The following NUP85 variants were observed in gnomAD, a reference collection of about 807,000 sequenced individuals.
NUP85 encodes nuclear pore complex protein Nup85.
A neutral mutation model predicts 92.8 loss-of-function variants in NUP85; 23 were observed. The observed-to-expected ratio is 0.25, with a 90% CI of 0.18 to 0.35. The LOEUF is 0.35. NUP85 is among the 10% of genes least tolerant of loss of function. NUP85 has a pLI of 1.00. For missense variants in NUP85, 759 were observed against 822.8 expected (o/e 0.92, Z 0.95); for synonymous variants, 314 against 306.9 (o/e 1.02, Z -0.24).
intron 6 of NUP85, 91 bp downstream of exon 6, chr17:75,215,914 T>C (rs915076140): frequency 8.9e-7 from 1 of 1,117,690 alleles, no homozygotes; most frequent in African/African-American, 1.5e-5. Flanking sequence ...TGATGAGTGT[T>C]TTATTCCTGA....
chr17:75,217,851 A>G (rs912536248), intron 6 of NUP85, among the ~76,000 whole-genome samples: 1 of 152,000 alleles, frequency 6.6e-6, no homozygotes, highest in Non-Finnish European at 1.5e-5. Flanking sequence ...CTTGCTATCT[A>G]GTCATTGTTG....
intron 6 of NUP85, among the ~76,000 whole-genome samples, chr17:75,217,217 G>A (rs1004115380): frequency 1.3e-4 from 20 of 151,900 alleles, no homozygotes; most frequent in African/African-American, 4.4e-4. Context: ...GCACCACCAC[G>A]CCCGGCTAAT....
Position 75,219,421 on chromosome 17 carries a change from C to T in NUP85, c.597+1115C>T, listed in dbSNP as rs201692988. 7.2e-5 allele frequency among the ~76,000 whole-genome samples: 11 copies of T among 152,130 alleles called. No individual in the cohort carries two copies. The East Asian group carries it at 1.5e-3, about 21-fold the overall frequency. On this transcript the variant is annotated intron_variant, in intron 7 of 18. Transcript: ENST00000245544. ...CCTCCTGAGTGGCTGGGACTACAGG[C>T]GCACACCACTACGCCTGGCTAGTTT...
At chr17:75,211,044 C>A (rs1228348110) in intron 3 of NUP85, among the ~76,000 whole-genome samples, 2 of 145,778 alleles carry the variant, frequency 1.4e-5, no homozygotes, top group Non-Finnish European at 1.5e-5. Flanking sequence ...ACTCTGTCAC[C>A]CAGGCTGGAG....
chr17:75,231,701 G>T lies in NUP85; in HGVS notation c.1244+63G>T. On this transcript the variant is annotated intron_variant, in intron 13 of 18. Coordinates refer to ENST00000245544, the MANE Select transcript of NUP85 (RefSeq NM_024844.5). This position sits in a 1 kb window ranked among gnomAD's most constrained non-coding sequence, Gnocchi z 4.6. ...TCTTCAGCATGCGGGTGCCATTGGAGCTTGGACTGTTCTCTCCCAGTTGGC... is the reference window on the plus strand; with the variant it reads ...TCTTCAGCATGCGGGTGCCATTGGATCTTGGACTGTTCTCTCCCAGTTGGC... 1.2e-6 allele frequency: 2 copies of T among 1,606,692 alleles called. No homozygotes were observed. Among genetic ancestry groups the T allele is most frequent in the East Asian group, 2.2e-5 (1 of 44,828 alleles).
In NUP85 at chr17:75,225,221, C is replaced by G. The variant is rs200340772; in HGVS notation, c.716C>G (p.Thr239Arg). The change falls in exon 8 of 19, where the codon ACA (threonine) becomes AGA (arginine). Residue 239 changes from threonine to arginine, a missense_variant. Physicochemically the swap from Thr to Arg is moderately conservative, Grantham distance 71. Coordinates refer to ENST00000245544, the MANE Select transcript of NUP85 (RefSeq NM_024844.5). ...CGAATCATGGGGGACCTGATGAGGACAATGCCCATTCTTAGTGTACGTGGG... is the reference window on the plus strand; with the variant it reads ...CGAATCATGGGGGACCTGATGAGGAGAATGCCCATTCTTAGTGTACGTGGG... ...ICRIMGDLMR[T>R]MPILSPGNTQ... 6.2e-7 allele frequency: 1 copy of G among 1,606,890 alleles called. No individual in the cohort carries two copies. Among genetic ancestry groups the G allele is most frequent in the Middle Eastern group, 1.7e-4 (1 of 6,036 alleles).
intron 4 of NUP85, among the ~76,000 whole-genome samples, chr17:75,212,272 T>G (rs1368500358): frequency 3.5e-5 from 3 of 84,710 alleles, no homozygotes; most frequent in African/African-American, 1.3e-4. Context: ...TTTTTTTTTT[T>G]TTTTTTTTTT....
chr17:75,210,763 G>A lies in NUP85; in HGVS notation c.290+778G>A, dbSNP rs1442381553. On this transcript the variant is annotated intron_variant, in intron 3 of 18. Transcript: ENST00000245544. ...GTCACCCAGGCTGGAGTGCAGTGAC[G>A]CGTTCTCCGCTCACTGTAAGCTCTG... 3.3e-5 allele frequency among the ~76,000 whole-genome samples: 5 copies of A among 151,782 alleles called. No homozygotes were observed. The East Asian group carries it at 5.8e-4, about 18-fold the overall frequency.
intron 2 of NUP85, 139 bp downstream of exon 2, chr17:75,208,759 A>G (rs1184806639): frequency 4.4e-6 from 3 of 675,520 alleles, no homozygotes; most frequent in Non-Finnish European, 7.9e-6. Flanking sequence ...TTTTGTTTTC[A>G]AGATACAACA....
chr17:75,235,445 TTTTAC>T (rs2076295499), intron 18 of NUP85, 128 bp from the exon 19 acceptor site: 1 of 661,232 alleles, frequency 1.5e-6, no homozygotes. Flanking sequence ...TATTGCTTTC[TTTTAC>T]ATCGATAATT....
Position 75,218,588 on chromosome 17 carries a change from G to GT in NUP85, c.597+301dup, listed in dbSNP as rs67761124. On this transcript the variant is annotated intron_variant, in intron 7 of 18. Coordinates refer to ENST00000245544, the MANE Select transcript of NUP85 (RefSeq NM_024844.5). ...AAGACACAAAAAGGAATACAAAACC[G>GT]TTTTTTTTTTTTTTTTTTTGAGACA... 9.3e-4 allele frequency among the ~76,000 whole-genome samples: 77 copies of GT among 82,850 alleles called. 11 individuals are homozygous for GT. Among genetic ancestry groups the GT allele is most frequent in the African/African-American group, 3.4e-3 (72 of 21,308 alleles). 54.4% of individuals were successfully genotyped at this position (82,850 alleles called of 152,430 possible).
At chr17:75,223,112 T>C (rs1222131937) in intron 7 of NUP85, among the ~76,000 whole-genome samples, 1 of 150,120 alleles carries the variant, frequency 6.7e-6, no homozygotes, top group Non-Finnish European at 1.5e-5. Flanking sequence ...ACACCTCCCA[T>C]AGTTCTTGCA....
intron 2 of NUP85, among the ~76,000 whole-genome samples, chr17:75,208,913 T>A (rs948362227): frequency 2.0e-5 from 3 of 152,010 alleles, no homozygotes; most frequent in Admixed American, 2.0e-4. Context: ...CCAGCTAATT[T>A]TTTTTTCTTT....
intron 9 of NUP85, 98 bp from the exon 10 acceptor site, chr17:75,225,600 A>G (rs959870180): frequency 5.1e-6 from 8 of 1,578,870 alleles, no homozygotes; most frequent in Non-Finnish European, 6.9e-6. Context: ...GAGCTTTCAG[A>G]CTAGTTGAAA....
intron 3 of NUP85, among the ~76,000 whole-genome samples, chr17:75,210,416 G>T (rs1469315954): frequency 6.6e-6 from 1 of 152,186 alleles, no homozygotes; most frequent in African/African-American, 2.4e-5. Flanking sequence ...TTGAATTGTA[G>T]TTCATAACTT....
chr17:75,218,587 C>CGTTTT (rs1555662299), intron 7 of NUP85, among the ~76,000 whole-genome samples: 4 of 24,330 alleles, frequency 1.6e-4, no homozygotes, highest in South Asian at 2.4e-3. Context: ...AATACAAAAC[C>CGTTTT]GTTTTTTTTT....
Position 75,235,130 on chromosome 17 carries a change from T to C in NUP85, c.1798T>C (p.Leu600=). The change falls in exon 18 of 19, where the codon TTG becomes CTG. Residue 600 remains leucine, a synonymous_variant. Coordinates refer to ENST00000245544, the MANE Select transcript of NUP85 (RefSeq NM_024844.5). ...VIFSAEQTYE[L]MRCLEDLTSR... ...TTTCTCAGCAGAACAGACTTATGAG[T>C]TGATGCGGTGTCTGGAGGACTTGAC... 1.2e-6 allele frequency: 2 copies of C among 1,614,100 alleles called. No homozygotes were observed. The highest frequency in any genetic ancestry group is 2.2e-5 in the East Asian group (1 of 44,876).
chr17:75,213,583 G>A (rs144168696), intron 5 of NUP85, among the ~76,000 whole-genome samples: 12 of 152,022 alleles, frequency 7.9e-5, no homozygotes, highest in Non-Finnish European at 1.3e-4. Flanking sequence ...GTAAGCCACC[G>A]TGCTGGCCCT....
intron 7 of NUP85, among the ~76,000 whole-genome samples, chr17:75,224,247 A>G (rs1036829879): frequency 1.3e-5 from 2 of 151,860 alleles, no homozygotes; most frequent in East Asian, 2.0e-4. Context: ...GGGTTTCACC[A>G]TGTTAACCAG....
Sources: gnomAD v4.1 joint callset for allele counts (sites outside exome capture counted in the v4.1 genomes callset) on GRCh38, gnomAD v4.1.1 for gene constraint, Gnocchi (gnomAD v3.1) non-coding constraint, MANE v1.5 for transcripts, NCBI Gene and HGNC (gene_info 2026-07-23, HGNC 2026-07-21) for gene names.